The following FRMPD2 variants were observed in gnomAD, a reference collection of about 807,000 sequenced individuals.
The protein encoded by FRMPD2 is FERM and PDZ domain containing 2.
In FRMPD2, 96 loss-of-function variants were observed where a neutral mutation model predicts 140.1. That is an observed-to-expected ratio of 0.69 (90% CI 0.58 to 0.81). FRMPD2 has a LOEUF of 0.81. FRMPD2 is among the 40% of genes least tolerant of loss of function. The probability of loss-of-function intolerance (pLI) is 0.00; values close to 1 mark genes in which losing one functional copy is unlikely to be tolerated. For synonymous variants in FRMPD2, 449 were observed against 547.6 expected (o/e 0.82, Z 2.52); for missense variants, 1,240 against 1,447.4 (o/e 0.86, Z 2.32).
intron 14 of FRMPD2, among the ~76,000 whole-genome samples, chr10:48,204,275 C>T (rs1839153235): frequency 2.0e-5 from 3 of 152,200 alleles, no homozygotes; most frequent in Middle Eastern, 3.4e-3. Context: ...TTGTGTATAC[C>T]GCATTATCAA....
chr10:48,223,118 C>T lies in FRMPD2; in HGVS notation c.1316+5G>A, dbSNP rs540823200. ...GGAACAAATGAACAGGTTTGCAGCACTCACTGGAGCAGCCCATAGTGGCTG... is the reference window on the plus strand; with the variant it reads ...GGAACAAATGAACAGGTTTGCAGCATTCACTGGAGCAGCCCATAGTGGCTG... On this transcript the variant is annotated splice_donor_5th_base_variant and intron_variant, in intron 11 of 28. Coordinates refer to ENST00000374201, the MANE Select transcript of FRMPD2 (RefSeq NM_001018071.4). The T allele has an allele frequency of 6.2e-7, 1 of 1,610,696 alleles. No individual in the cohort carries two copies. Among genetic ancestry groups the T allele is most frequent in the African/African-American group, 1.3e-5 (1 of 74,970 alleles).
chr10:48,208,967 A>G (rs890979548), intron 13 of FRMPD2, among the ~76,000 whole-genome samples: 2 of 152,236 alleles, frequency 1.3e-5, no homozygotes, highest in Non-Finnish European at 2.9e-5. Context: ...CTCTGACCTT[A>G]TAACTCCACC....
In FRMPD2 at chr10:48,187,247, C is replaced by T; in HGVS notation, c.2211G>A (p.Gln737=). The T allele has an allele frequency of 6.2e-7, 1 of 1,614,082 alleles. No homozygotes were observed. The highest frequency in any genetic ancestry group is 1.1e-5 in the South Asian group (1 of 91,062). The part of the protein sequence containing the change: ...REQLKSACVI[Q]KPMTWDSLSG... ...AGAGAGAGTCCCAGGTCATTGGCTT[C>T]TGGATCACACAGGCACTCTTCAGCT... The change falls in exon 17 of 29, where the codon CAG becomes CAA. Residue 737 remains glutamine (Q), a synonymous_variant. Transcript: ENST00000374201.
chr10:48,257,047 CT>C (rs1840502840), intron 1 of FRMPD2, among the ~76,000 whole-genome samples: 1 of 152,138 alleles, frequency 6.6e-6, no homozygotes, highest in African/African-American at 2.4e-5. Context: ...CCTCCACAGG[CT>C]CTGACGGAGA....
intron 1 of FRMPD2, among the ~76,000 whole-genome samples, chr10:48,266,877 C>T (rs1351675916): frequency 6.6e-6 from 1 of 152,174 alleles, no homozygotes; most frequent in Non-Finnish European, 1.5e-5. Context: ...ACAAGGCATC[C>T]CCTGACGTGT....
intron 7 of FRMPD2, among the ~76,000 whole-genome samples, chr10:48,238,798 GTTC>G (rs1003990600): frequency 1.9e-4 from 29 of 152,310 alleles, no homozygotes; most frequent in Non-Finnish European, 4.0e-4. Context: ...AATGTCCACA[GTTC>G]TTCTCCCTGA....
At chr10:48,211,212 T>G (rs928320771) in intron 13 of FRMPD2, among the ~76,000 whole-genome samples, 3 of 152,212 alleles carry the variant, frequency 2.0e-5, no homozygotes, top group Admixed American at 2.0e-4. Flanking sequence ...GATTGTGGAG[T>G]AGCAAAGACT....
chr10:48,239,314 A>G (rs1252484193), intron 7 of FRMPD2, among the ~76,000 whole-genome samples: 4 of 152,232 alleles, frequency 2.6e-5, no homozygotes, highest in African/African-American at 9.6e-5. Context: ...ATGGTATGGC[A>G]ATGGATAATG....
intron 14 of FRMPD2, among the ~76,000 whole-genome samples, chr10:48,204,941 T>G (rs766677299): frequency 4.6e-5 from 7 of 152,206 alleles, no homozygotes; most frequent in Non-Finnish European, 8.8e-5. Context: ...TCTTTGGAAA[T>G]GTCATCTTTC....
chr10:48,244,289 T>C (rs995256896), intron 4 of FRMPD2, among the ~76,000 whole-genome samples: 10 of 152,250 alleles, frequency 6.6e-5, no homozygotes, highest in African/African-American at 2.2e-4. Flanking sequence ...CCAGCCAGGA[T>C]AAAGTTAAGT....
In FRMPD2 at chr10:48,174,419, C is replaced by A. The variant is rs375521566; in HGVS notation, c.3075+451G>T. Among the ~76,000 whole-genome samples, 20 of 152,328 alleles carry A rather than the reference C, an allele frequency of 1.3e-4. No individual in the cohort carries two copies. The East Asian group carries it at 3.9e-3, about 29-fold the overall frequency. On this transcript the variant is annotated intron_variant, in intron 24 of 28. Transcript: ENST00000374201. ...GAATCCCAGGACACTCTGACCCACG[C>A]CCTGGTGGGTACAACACAGGGTGAG...
chr10:48,270,525 T>C (rs772603725), intron 1 of FRMPD2, among the ~76,000 whole-genome samples: 1 of 152,204 alleles, frequency 6.6e-6, no homozygotes, highest in Non-Finnish European at 1.5e-5. Flanking sequence ...TGGGTTTCTC[T>C]CTGCCCTGGC....
At chr10:48,243,206 G>A (rs1041023042) in intron 4 of FRMPD2, among the ~76,000 whole-genome samples, 19 of 152,224 alleles carry the variant, frequency 1.2e-4, no homozygotes, top group African/African-American at 4.6e-4. Context: ...GGTGTGATGA[G>A]AGAGACGGTC....
rs185503415 is a variant in FRMPD2 at position 48,196,653 on chromosome 10, G to A, written c.1955-3759C>T. On this transcript the variant is annotated intron_variant, in intron 15 of 28. Transcript: ENST00000374201. Reference sequence around the variant, plus strand: ...TACGGATGCCCTGAGCTTGAGGGGTGTGTGGGACCATCAGCTGGAGGCGGT... The same window carrying A: ...TACGGATGCCCTGAGCTTGAGGGGTATGTGGGACCATCAGCTGGAGGCGGT... Among the ~76,000 whole-genome samples, 86 of 152,304 alleles carry A rather than the reference G, an allele frequency of 5.6e-4. 1 individual carries two copies. The East Asian group carries it at 0.012, about 22-fold the overall frequency.
At chr10:48,185,688 A>G in intron 17 of FRMPD2, 43 bp from the exon 18 acceptor site, 1 of 1,452,538 alleles carries the variant, frequency 6.9e-7, no homozygotes. Flanking sequence ...TTTCCCCCAA[A>G]TTATTTGGGA....
intron 15 of FRMPD2, among the ~76,000 whole-genome samples, chr10:48,197,344 C>A (rs1838978489): frequency 6.6e-6 from 1 of 152,110 alleles, no homozygotes; most frequent in Non-Finnish European, 1.5e-5. Flanking sequence ...TACACGCACA[C>A]ACCTTCCCAC....
At chr10:48,208,882 T>A (rs1839259555) in intron 13 of FRMPD2, among the ~76,000 whole-genome samples, 1 of 152,228 alleles carries the variant, frequency 6.6e-6, no homozygotes, top group South Asian at 2.1e-4. Flanking sequence ...ACACATCCCT[T>A]GCTGCATTGA....
intron 4 of FRMPD2, among the ~76,000 whole-genome samples, chr10:48,244,187 G>C (rs1427228843): frequency 6.6e-6 from 1 of 152,120 alleles, no homozygotes; most frequent in Non-Finnish European, 1.5e-5. Flanking sequence ...GTTTTGCCAT[G>C]TTGGCCAGGC....
chr10:48,207,588 C>T (rs1449936174), intron 13 of FRMPD2, among the ~76,000 whole-genome samples: 1 of 152,186 alleles, frequency 6.6e-6, no homozygotes, highest in East Asian at 1.9e-4. Flanking sequence ...CGTTAGGCCA[C>T]CAACTTCTTA....
Sources: allele counts gnomAD v4.1 joint callset (sites outside exome capture counted in the v4.1 genomes callset), GRCh38; gene constraint gnomAD v4.1.1; transcripts MANE v1.5; gene names NCBI Gene and HGNC (gene_info 2026-07-23, HGNC 2026-07-21).